Variants in GPC5 observed in about 807,000 individuals in gnomAD.
The protein encoded by GPC5 is glypican 5.
GPC5 carries 47 observed loss-of-function variants against 53.9 expected under a neutral mutation model. That is an observed-to-expected ratio of 0.87 (90% CI 0.69 to 1.11). The LOEUF (loss-of-function observed/expected upper bound fraction) is 1.11. Among genes scored for constraint, GPC5 ranks in the 50% most tolerant of loss-of-function variants. The pLI is 0.00. For synonymous variants in GPC5, 286 were observed against 263.3 expected (o/e 1.09, Z -0.84); for missense variants, 748 against 713.1 (o/e 1.05, Z -0.56).
chr13:91,819,241 C>T (rs1453066286), intron 5 of GPC5, among the ~76,000 whole-genome samples: 1 of 143,590 alleles, frequency 7.0e-6, no homozygotes, highest in Non-Finnish European at 1.5e-5. Flanking sequence ...CTCACTGCAA[C>T]CTCCACCTCC....
intron 7 of GPC5, among the ~76,000 whole-genome samples, chr13:92,381,631 C>T (rs2043739653): frequency 6.6e-6 from 1 of 150,584 alleles, no homozygotes; most frequent in African/African-American, 2.5e-5. Context: ...ACCATTTGAT[C>T]CGGCAATCCC....
chr13:91,467,827 G>C (rs564098688), intron 2 of GPC5, among the ~76,000 whole-genome samples: 11 of 152,204 alleles, frequency 7.2e-5, no homozygotes, highest in African/African-American at 7.2e-5. Context: ...TAGCTTCACT[G>C]TATTGCATAT....
intron 7 of GPC5, among the ~76,000 whole-genome samples, chr13:92,363,492 G>C (rs1004276164): frequency 6.6e-6 from 1 of 151,642 alleles, no homozygotes; most frequent in Non-Finnish European, 1.5e-5. Context: ...TAGATCCCTC[G>C]CATGTACAGT....
At chr13:91,664,646 A>AT (rs1045719743) in intron 2 of GPC5, among the ~76,000 whole-genome samples, 8 of 152,008 alleles carry the variant, frequency 5.3e-5, no homozygotes, top group South Asian at 4.2e-4. Context: ...TTTTATATAC[A>AT]TTTTTTTTGA....
At chr13:92,066,505 G>A (rs1226678480) in intron 6 of GPC5, among the ~76,000 whole-genome samples, 4 of 151,482 alleles carry the variant, frequency 2.6e-5, no homozygotes, top group African/African-American at 4.8e-5. Context: ...TGTTCCAATG[G>A]CAATTAACTT....
At chr13:91,772,682 G>A (rs1018630345) in intron 5 of GPC5, among the ~76,000 whole-genome samples, 8 of 152,046 alleles carry the variant, frequency 5.3e-5, no homozygotes, top group Admixed American at 2.6e-4. Flanking sequence ...CGACACTCCC[G>A]AAGGAGACAA....
At chr13:91,728,868 CT>C (rs1566642901) in intron 4 of GPC5, among the ~76,000 whole-genome samples, 1 of 151,708 alleles carries the variant, frequency 6.6e-6, no homozygotes, top group South Asian at 2.1e-4. Context: ...ACCAAGAAAA[CT>C]TTTTGTGATA....
intron 2 of GPC5, among the ~76,000 whole-genome samples, chr13:91,505,059 C>T (rs890049760): frequency 2.0e-5 from 3 of 152,136 alleles, no homozygotes; most frequent in Non-Finnish European, 4.4e-5. Flanking sequence ...TGAAATAAGT[C>T]AATTTCTTAC....
intron 7 of GPC5, chr13:92,484,630 A>G (rs1879485708): frequency 6.6e-6 from 1 of 152,236 alleles, no homozygotes; most frequent in Non-Finnish European, 1.5e-5. Flanking sequence ...TATGCAGCAC[A>G]TATATAATAA....
At chr13:92,601,166 A>G (rs1884038255) in intron 7 of GPC5, among the ~76,000 whole-genome samples, 1 of 152,198 alleles carries the variant, frequency 6.6e-6, no homozygotes, top group Non-Finnish European at 1.5e-5. Context: ...CATGTCTTGA[A>G]TTTAATTATT....
chr13:92,054,764 A>G (rs376636052), intron 6 of GPC5, among the ~76,000 whole-genome samples: 1 of 152,226 alleles, frequency 6.6e-6, no homozygotes, highest in East Asian at 1.9e-4. Context: ...ATCATGCTGC[A>G]GTTCTTCCCT....
intron 7 of GPC5, among the ~76,000 whole-genome samples, chr13:92,261,910 T>C (rs548595468): frequency 1.4e-4 from 21 of 152,172 alleles, no homozygotes; most frequent in Non-Finnish European, 2.8e-4. Flanking sequence ...CATTTGTAAA[T>C]GTCGGCATCT....
At chr13:91,673,253 A>G (rs2035293167) in intron 2 of GPC5, among the ~76,000 whole-genome samples, 1 of 152,126 alleles carries the variant, frequency 6.6e-6, no homozygotes, top group Admixed American at 6.5e-5. Context: ...CAACAAAACC[A>G]TCACACTAAG....
At chr13:91,401,898 G>T (rs1446807223) in intron 1 of GPC5, among the ~76,000 whole-genome samples, 2 of 152,162 alleles carry the variant, frequency 1.3e-5, no homozygotes, top group Non-Finnish European at 2.9e-5. Context: ...AGGTGTAAAT[G>T]TGATTAGAAT....
Position 91,693,758 on chromosome 13 carries a change from G to A in GPC5, c.897G>A (p.Leu299=). 3.1e-6 allele frequency: 5 copies of A among 1,614,116 alleles called. No homozygotes were observed. The highest frequency in any genetic ancestry group is 4.2e-6 in the Non-Finnish European group (5 of 1,180,010). The change falls in exon 3 of 8, where the codon TTG becomes TTA. Residue 299 remains leucine, a synonymous_variant. Transcript: ENST00000377067. The part of the protein sequence containing the change: ...NPHWHAYIRS[L]EELSDAMHGT... ...ACTGGCATGCATATATCCGGTCGTT[G>A]GAAGAACTCTCGGATGCAATGCATG...
At chr13:92,327,283 C>T (rs1926633) in intron 7 of GPC5, among the ~76,000 whole-genome samples, 70,617 of 151,790 alleles carry the variant, frequency 0.47, 17,638 homozygotes, top group African/African-American at 0.67. Context: ...ACTCTCAGAG[C>T]AGCCCAATTT....
intron 7 of GPC5, among the ~76,000 whole-genome samples, chr13:92,333,813 A>G (rs146386265): frequency 3.5e-4 from 54 of 152,260 alleles, no homozygotes; most frequent in Admixed American, 8.5e-4. Flanking sequence ...TGACAGGGAT[A>G]TTGGAATTTT....
chr13:92,224,156 G>T (rs1393326641), intron 7 of GPC5, among the ~76,000 whole-genome samples: 3 of 152,104 alleles, frequency 2.0e-5, no homozygotes, highest in African/African-American at 7.2e-5. Flanking sequence ...AGAACTTTCT[G>T]CACTATTAAA....
chr13:91,458,754 G>A (rs530153093), intron 2 of GPC5, among the ~76,000 whole-genome samples: 17 of 152,062 alleles, frequency 1.1e-4, no homozygotes, highest in Non-Finnish European at 2.9e-5. Flanking sequence ...TTGCACACAT[G>A]TGTTTATAGC....
Sources: allele counts gnomAD v4.1 joint callset (sites outside exome capture counted in the v4.1 genomes callset), GRCh38; gene constraint gnomAD v4.1.1; transcripts MANE v1.5; gene names NCBI Gene and HGNC (gene_info 2026-07-23, HGNC 2026-07-21).